Variants in TAFA1 observed in about 807,000 individuals in gnomAD.
The protein encoded by TAFA1 is TAFA chemokine like family member 1, also known as chemokine-like protein TAFA-1.
Under a neutral mutation model 18.5 loss-of-function variants are expected in TAFA1, and 4 were observed. The observed-to-expected ratio is 0.22, with a 90% CI of 0.11 to 0.49. The LOEUF (loss-of-function observed/expected upper bound fraction) is 0.49, where lower values mean the gene tolerates loss of function less well. Ranked by LOEUF, TAFA1 falls within the 20% of genes least tolerant of loss-of-function variation. The pLI, the probability that TAFA1 is intolerant of heterozygous loss-of-function variation, is 0.98. For missense variants in TAFA1, 147 were observed against 169.0 expected, an observed-to-expected ratio of 0.87 and a Z score of 0.72; for synonymous variants, 56 against 55.2, an observed-to-expected ratio of 1.01 and a Z score of -0.06.
At chr3:68,326,871 G>A (rs1342569435) in intron 2 of TAFA1, among the ~76,000 whole-genome samples, 4 of 152,138 alleles carry the variant, frequency 2.6e-5, no homozygotes, top group Non-Finnish European at 5.9e-5. Flanking sequence ...ACAGAGTTTG[G>A]ACATCTTTAA....
chr3:68,401,322 A>C (rs1251739267), intron 2 of TAFA1, among the ~76,000 whole-genome samples: 2 of 152,180 alleles, frequency 1.3e-5, no homozygotes. Flanking sequence ...CCAGAAGTAA[A>C]GAGATAACTA....
intron 2 of TAFA1, among the ~76,000 whole-genome samples, chr3:68,031,009 A>G (rs376590360): frequency 6.6e-6 from 1 of 151,654 alleles, no homozygotes; most frequent in African/African-American, 2.4e-5. Flanking sequence ...AAGAAATATC[A>G]TGGATTTTGA....
At chr3:68,542,825 G>A (rs748594117) in intron 4 of TAFA1, among the ~76,000 whole-genome samples, 2 of 152,170 alleles carry the variant, frequency 1.3e-5, no homozygotes, top group East Asian at 1.9e-4. Context: ...CATGTGGGAA[G>A]GGGGTAGAGG....
chr3:68,321,054 G>T (rs115790499), intron 2 of TAFA1, among the ~76,000 whole-genome samples: 2 of 152,186 alleles, frequency 1.3e-5, no homozygotes, highest in Non-Finnish European at 2.9e-5. Context: ...GGACTGTCAG[G>T]GTTGAAATCG....
chr3:68,297,956 G>A (rs531246259), intron 2 of TAFA1, among the ~76,000 whole-genome samples: 1 of 152,286 alleles, frequency 6.6e-6, no homozygotes, highest in African/African-American at 2.4e-5. Flanking sequence ...AACTTACTGT[G>A]ATATAATGCT....
At chr3:68,087,049 C>A (rs1575609573) in intron 2 of TAFA1, among the ~76,000 whole-genome samples, 1 of 152,280 alleles carries the variant, frequency 6.6e-6, no homozygotes, top group East Asian at 1.9e-4. Context: ...TAGAGTTTGG[C>A]ATTTGTGGCT....
intron 2 of TAFA1, among the ~76,000 whole-genome samples, chr3:68,400,361 T>C (rs1575835206): frequency 6.6e-6 from 1 of 152,328 alleles, no homozygotes; most frequent in Non-Finnish European, 1.5e-5. Context: ...TCACCAGTTA[T>C]AAAATACAAT....
At chr3:68,082,838 G>A (rs1047072128) in intron 2 of TAFA1, among the ~76,000 whole-genome samples, 1 of 152,186 alleles carries the variant, frequency 6.6e-6, no homozygotes, top group African/African-American at 2.4e-5. Flanking sequence ...CTAAATGGAA[G>A]GAAGTGGAGC....
chr3:68,139,725 C>G (rs928880297), intron 2 of TAFA1, among the ~76,000 whole-genome samples: 6 of 152,114 alleles, frequency 3.9e-5, no homozygotes, highest in Admixed American at 6.6e-5. Flanking sequence ...TTGATTAAGC[C>G]TTGAGTTTGT....
chr3:68,015,513 TC>T (rs1175381855), intron 2 of TAFA1, among the ~76,000 whole-genome samples: 1 of 152,108 alleles, frequency 6.6e-6, no homozygotes, highest in Non-Finnish European at 1.5e-5. Flanking sequence ...GTCTCAAACC[TC>T]TGACCTCAGG....
chr3:68,266,646 G>A (rs2067552059), intron 2 of TAFA1, among the ~76,000 whole-genome samples: 1 of 152,086 alleles, frequency 6.6e-6, no homozygotes, highest in African/African-American at 2.4e-5. Context: ...GGATTTAGGA[G>A]CATGGGGCAT....
chr3:68,070,329 C>T (rs79004405), intron 2 of TAFA1, among the ~76,000 whole-genome samples: 1,689 of 152,310 alleles, frequency 0.011, 31 homozygotes, highest in African/African-American at 0.038. Flanking sequence ...AGCCACAGCC[C>T]GAGCTATACC....
At chr3:68,416,400 A>T (rs1372064111) in intron 2 of TAFA1, among the ~76,000 whole-genome samples, 1 of 152,200 alleles carries the variant, frequency 6.6e-6, no homozygotes, top group Non-Finnish European at 1.5e-5. Flanking sequence ...TGCATCCTAA[A>T]TGCCAAGAAT....
chr3:68,023,921 C>T (rs551027628), intron 2 of TAFA1, among the ~76,000 whole-genome samples: 82 of 152,184 alleles, frequency 5.4e-4, no homozygotes, highest in African/African-American at 1.9e-3. Flanking sequence ...TAGCAAATAC[C>T]TAAGGGTCTT....
chr3:68,386,201 T>C (rs149765805), intron 2 of TAFA1, among the ~76,000 whole-genome samples: 17 of 152,256 alleles, frequency 1.1e-4, no homozygotes, highest in African/African-American at 4.1e-4. Context: ...GTTATCCTTA[T>C]TTTTTATATG....
chr3:68,388,396 T>C (rs886783528), intron 2 of TAFA1, among the ~76,000 whole-genome samples: 2 of 152,180 alleles, frequency 1.3e-5, no homozygotes, highest in African/African-American at 4.8e-5. Context: ...GAGGCCTCAA[T>C]GTGCATTCAC....
At chr3:68,006,413 C>A (rs529540693) in intron 1 of TAFA1, 3 of 510,592 alleles carry the variant, frequency 5.9e-6, no homozygotes, top group Non-Finnish European at 1.1e-5. Flanking sequence ...TTTTGTTTTG[C>A]AGAATTAAGA....
chr3:68,078,611 A>C (rs1321633587), intron 2 of TAFA1, among the ~76,000 whole-genome samples: 2 of 151,954 alleles, frequency 1.3e-5, no homozygotes, highest in South Asian at 2.1e-4. Context: ...GCTGGATTAC[A>C]TTTATTGATT....
At chr3:68,120,209 CTTTCTTTCTTTCTTTCTTTCTTTCTTTCT>C (rs2065377898) in intron 2 of TAFA1, among the ~76,000 whole-genome samples, 1 of 115,888 alleles carries the variant, frequency 8.6e-6, no homozygotes, top group Non-Finnish European at 1.8e-5. Context: ...TTCTTTCTTT[CTTTCTTTCTTTCTTTCTTTCTTTCTTTCT>C]TTCTTTCTTT....
Sources: allele counts gnomAD v4.1 joint callset (sites outside exome capture counted in the v4.1 genomes callset), GRCh38; gene constraint gnomAD v4.1.1; transcripts MANE v1.5; gene names NCBI Gene and HGNC (gene_info 2026-07-23, HGNC 2026-07-21).